Variants in RDX observed in about 807,000 individuals in gnomAD.
RDX encodes radixin.
In RDX, 32 loss-of-function variants were observed where a neutral mutation model predicts 83.7. The ratio of observed to expected loss-of-function variants is 0.38; its 90% CI spans 0.29 to 0.51. RDX has a LOEUF of 0.51. Among genes scored for constraint, RDX ranks in the 20% least tolerant of loss-of-function variants. RDX has a pLI of 0.87. For synonymous variants in RDX, 229 were observed against 222.7 expected (o/e 1.03, Z -0.25); for missense variants, 600 against 689.9 (o/e 0.87, Z 1.46).
At chr11:110,227,110 T>TA (rs1488517769), downstream of RDX, among the ~76,000 whole-genome samples, 3 of 152,096 alleles carry the variant, frequency 2.0e-5, no homozygotes, top group Non-Finnish European at 4.4e-5. Flanking sequence ...AGGGAGGAGA[T>TA]AGATATTCCC....
chr11:110,240,436 C>T (rs1268967014), intron 10 of RDX, among the ~76,000 whole-genome samples: 2 of 152,114 alleles, frequency 1.3e-5, no homozygotes, highest in African/African-American at 4.8e-5. Flanking sequence ...TACTACTGAA[C>T]TGTATACTTA....
chr11:110,253,262 T>A (rs1488441421), intron 9 of RDX, among the ~76,000 whole-genome samples: 2 of 152,278 alleles, frequency 1.3e-5, no homozygotes, highest in Middle Eastern at 3.4e-3. Flanking sequence ...TTTCTTAGAC[T>A]ATCACGTTGT....
At chr11:110,176,602 A>ATCTC (rs1032505476) in intron 15 of RDX, among the ~76,000 whole-genome samples, 17 of 152,286 alleles carry the variant, frequency 1.1e-4, no homozygotes, top group Admixed American at 2.6e-4. Context: ...ATCCTTCTCC[A>ATCTC]TCTCTCTCAC....
At chr11:110,279,173 G>GGTAT (rs1860648700) in intron 2 of RDX, among the ~76,000 whole-genome samples, 1 of 152,050 alleles carries the variant, frequency 6.6e-6, no homozygotes, top group Admixed American at 6.6e-5. Context: ...ATACTCCCTT[G>GGTAT]GGTAACTAAT....
intron 2 of RDX, among the ~76,000 whole-genome samples, chr11:110,276,940 T>A (rs992969319): frequency 6.6e-6 from 1 of 152,210 alleles, no homozygotes; most frequent in East Asian, 1.9e-4. Flanking sequence ...GAAATACAAA[T>A]GTTTTAGAGG....
Position 110,266,332 on chromosome 11 carries a change from CA to C in RDX, c.97-1459del, listed in dbSNP as rs1195226483. ...TGGGCGACAGAGCAAGACTCCGTCTCAAAAAAAAAAAGAAAATAAAGTAAGA... is the reference window on the plus strand; with the variant it reads ...TGGGCGACAGAGCAAGACTCCGTCTCAAAAAAAAAAGAAAATAAAGTAAGA... On this transcript the variant is annotated intron_variant, in intron 3 of 13. Transcript: ENST00000645495. 6.5e-4 allele frequency among the ~76,000 whole-genome samples: 88 copies of C among 135,314 alleles called. 1 individual carries two copies. The highest frequency in any genetic ancestry group is 5.6e-3 in the South Asian group (24 of 4,276). The allele number at this position is 135,314 out of a possible 152,430, so 88.8% of individuals were successfully genotyped here. A position where few individuals can be genotyped will look rare whatever the true frequency, so the allele number is the denominator to read the frequency against.
At chr11:110,222,295 T>C (rs1243339775) in intron 14 of RDX, among the ~76,000 whole-genome samples, 4 of 152,202 alleles carry the variant, frequency 2.6e-5, no homozygotes, top group Admixed American at 6.5e-5. Flanking sequence ...CCTGTAAAGA[T>C]GCAAACCTAC....
intron 3 of RDX, among the ~76,000 whole-genome samples, chr11:110,265,189 C>T (rs1253207710): frequency 7.0e-6 from 1 of 142,964 alleles, no homozygotes; most frequent in Non-Finnish European, 1.5e-5. Context: ...CGTCTCCATT[C>T]AAGTGATTCT....
chr11:110,212,344 T>C (rs1483064961), intron 14 of RDX, among the ~76,000 whole-genome samples: 4 of 140,060 alleles, frequency 2.9e-5, no homozygotes, highest in South Asian at 2.4e-4. Flanking sequence ...CAATAATCAA[T>C]AGCTTACCAA....
chr11:110,186,397 T>C (rs1862987414), intron 15 of RDX, among the ~76,000 whole-genome samples: 1 of 152,148 alleles, frequency 6.6e-6, no homozygotes, highest in Non-Finnish European at 1.5e-5. Flanking sequence ...AATGCATTTT[T>C]TGGTATCTGA....
At chr11:110,184,499 A>T (rs1207576817) in intron 15 of RDX, among the ~76,000 whole-genome samples, 3 of 152,236 alleles carry the variant, frequency 2.0e-5, no homozygotes, top group Non-Finnish European at 2.9e-5. Context: ...TAAGCCTTGC[A>T]GGGTGGGTGG....
Position 110,257,910 on chromosome 11 carries a change from C to G in RDX, c.555G>C (p.Glu185Asp), listed in dbSNP as rs760956967. ...TCTTCAGGTATTCCATCATAGAATC[C>G]TCCCTGTTGAAATAAAACTAAATGT... ...WHEEHRGMLR[E>D]DSMMEYLKIA... is the part of the protein sequence containing the mutation. Residue 185 changes from glutamate (E) to aspartate (D), a missense_variant, in exon 7 of 14, where the codon GAG becomes GAC. Physicochemically the swap from Glu to Asp is conservative, Grantham distance 45. Coordinates refer to ENST00000645495, the MANE Select transcript of RDX (RefSeq NM_002906.4). 7.4e-6 allele frequency: 12 copies of G among 1,611,334 alleles called. No homozygotes were observed. Among genetic ancestry groups the G allele is most frequent in the Non-Finnish European group, 1.0e-5 (12 of 1,178,060 alleles).
intron 14 of RDX, among the ~76,000 whole-genome samples, chr11:110,205,216 T>G (rs1164960445): frequency 1.3e-5 from 2 of 152,114 alleles, no homozygotes; most frequent in South Asian, 2.1e-4. Context: ...GGATCCATAC[T>G]TCATACCATG....
rs144655446 is a variant in RDX, at chr11:110,235,056, A to G, written c.1344+1043T>C. Among the ~76,000 whole-genome samples the G allele has an allele frequency of 5.9e-5, 9 of 152,300 alleles. No individual in the cohort carries two copies. The East Asian group carries it at 1.5e-3, about 26-fold the overall frequency. ...GTTTCATCTACTTAGGACTCATATTAGAAATCTCGGTGTCAGCTGCACACA... is the reference window on the plus strand; with the variant it reads ...GTTTCATCTACTTAGGACTCATATTGGAAATCTCGGTGTCAGCTGCACACA... On this transcript the variant is annotated intron_variant, in intron 12 of 13. Coordinates refer to ENST00000645495, the MANE Select transcript of RDX (RefSeq NM_002906.4).
Position 110,254,031 on chromosome 11 carries a change from T to C in RDX, c.874A>G (p.Met292Val), listed in dbSNP as rs767569356. ...ATAGTATCAGGCTTCCTTCTTCGCA[T>C]GTATAGTTCATGGTTTCCCATACAT... ...ALCMGNHELY[M>V]RRRKPDTIEV... The change falls in exon 9 of 14, where the codon ATG becomes GTG. Residue 292 changes from methionine to valine, a missense_variant. Physicochemically the swap from Met to Val is conservative, Grantham distance 21. Transcript: ENST00000645495. 1 of 1,613,800 alleles carries C rather than the reference T, an allele frequency of 6.2e-7. No homozygotes were observed. Among genetic ancestry groups the C allele is most frequent in the South Asian group, 1.1e-5 (1 of 91,080 alleles).
At chr11:110,240,601 CG>C (rs1865049177) in intron 10 of RDX, among the ~76,000 whole-genome samples, 4 of 151,142 alleles carry the variant, frequency 2.6e-5, no homozygotes, top group African/African-American at 9.8e-5. Flanking sequence ...AAAAATTAGC[CG>C]GGCGTGGTAG....
chr11:110,247,103 T>C (rs772557400), intron 10 of RDX, among the ~76,000 whole-genome samples: 30 of 152,334 alleles, frequency 2.0e-4, no homozygotes, highest in Non-Finnish European at 4.3e-4. Flanking sequence ...AACCACATAT[T>C]ATAAATCTAG....
At chr11:110,217,762 C>T (rs1005684218) in intron 14 of RDX, among the ~76,000 whole-genome samples, 1 of 152,156 alleles carries the variant, frequency 6.6e-6, no homozygotes, top group Non-Finnish European at 1.5e-5. Flanking sequence ...GGAGATGGTA[C>T]TTGTTCCTGA....
chr11:110,243,225 G>GA (rs1324819619), intron 10 of RDX, among the ~76,000 whole-genome samples: 1 of 151,800 alleles, frequency 6.6e-6, no homozygotes, highest in African/African-American at 2.4e-5. Context: ...TTTAAAAAAA[G>GA]AAAAAAACCA....
Sources: gnomAD v4.1 joint callset for allele counts (sites outside exome capture counted in the v4.1 genomes callset) on GRCh38, gnomAD v4.1.1 for gene constraint, MANE v1.5 for transcripts, NCBI Gene and HGNC (gene_info 2026-07-23, HGNC 2026-07-21) for gene names.